The following NCKAP5 variants were observed in gnomAD, a reference collection of about 807,000 sequenced individuals.
The protein encoded by NCKAP5 is NCK associated protein 5.
NCKAP5 carries 92 observed loss-of-function variants against 167.0 expected under a neutral mutation model. The ratio of observed to expected loss-of-function variants is 0.55; its 90% CI spans 0.47 to 0.66. The LOEUF is 0.66. NCKAP5 is among the 30% of genes least tolerant of loss of function. The probability of loss-of-function intolerance (pLI) is 0.00; values close to 1 mark genes in which losing one functional copy is unlikely to be tolerated. For missense variants in NCKAP5, 2,378 were observed against 2,315.0 expected, an observed-to-expected ratio of 1.03 and a Z score of -0.56; for synonymous variants, 891 against 877.4, an observed-to-expected ratio of 1.02 and a Z score of -0.27.
At chr2:133,493,976 T>C (rs1681700461) in intron 3 of NCKAP5, among the ~76,000 whole-genome samples, 1 of 152,232 alleles carries the variant, frequency 6.6e-6, no homozygotes, top group South Asian at 2.1e-4. Flanking sequence ...AAGACTTTCT[T>C]GCTTGTCCAA....
At position 132,774,388 on chromosome 2, in the gene NCKAP5, A is replaced by T. The variant is rs1369477109; in HGVS notation, c.5050-494T>A. Among the ~76,000 whole-genome samples the T allele has an allele frequency of 2.6e-5, 4 of 152,312 alleles. No homozygotes were observed. The East Asian group carries it at 7.7e-4, about 29-fold the overall frequency. ...CTTTCCTGGAATGTAACTTAAGAAG[A>T]TAATTTTTTTTCATTCTTTCCATAA... On this transcript the variant is annotated intron_variant, in intron 15 of 19. Transcript: ENST00000409261.
chr2:133,647,364 GAAGGAAGAAAGA>G, the NCKAP5 span, among the ~76,000 whole-genome samples: 56 of 104,674 alleles, frequency 5.3e-4, 2 homozygotes, highest in African/African-American at 2.9e-3. Flanking sequence ...AGAAAGGAAG[GAAGGAAGAAAGA>G]AAGGAAGGAA....
At chr2:133,500,256 T>G (rs1426179891) in intron 3 of NCKAP5, among the ~76,000 whole-genome samples, 1 of 152,188 alleles carries the variant, frequency 6.6e-6, no homozygotes, top group African/African-American at 2.4e-5. Flanking sequence ...TGCTCCGCTC[T>G]CTAAAAAAGA....
chr2:133,464,874 C>A (rs1345765856), intron 3 of NCKAP5, among the ~76,000 whole-genome samples: 1 of 151,616 alleles, frequency 6.6e-6, no homozygotes, highest in Non-Finnish European at 1.5e-5. Flanking sequence ...TCATCACTTG[C>A]CAACGTGGCA....
At chr2:133,059,115 C>T (rs973103869) in intron 6 of NCKAP5, among the ~76,000 whole-genome samples, 2 of 149,146 alleles carry the variant, frequency 1.3e-5, no homozygotes, top group African/African-American at 4.9e-5. Context: ...CTGGCTAACA[C>T]GGTGAAACCC....
intron 4 of NCKAP5, among the ~76,000 whole-genome samples, chr2:133,292,278 T>C (rs1166654129): frequency 1.3e-5 from 2 of 151,984 alleles, no homozygotes; most frequent in African/African-American, 4.8e-5. Context: ...CATGGTAAAT[T>C]ACCCATTTCA....
chr2:132,890,564 G>T (rs1453859919), intron 8 of NCKAP5, among the ~76,000 whole-genome samples: 5 of 152,174 alleles, frequency 3.3e-5, no homozygotes, highest in African/African-American at 1.2e-4. Flanking sequence ...AGTCCCAGGG[G>T]AGTGGCTAAG....
At chr2:132,745,395 CAA>C (rs71398574) in intron 16 of NCKAP5, among the ~76,000 whole-genome samples, 1 of 144,680 alleles carries the variant, frequency 6.9e-6, no homozygotes. Flanking sequence ...TCATGACAGA[CAA>C]AAAAAAAACA....
intron 11 of NCKAP5, among the ~76,000 whole-genome samples, chr2:132,844,370 T>C (rs1265588796): frequency 6.6e-6 from 1 of 152,156 alleles, no homozygotes; most frequent in Non-Finnish European, 1.5e-5. Context: ...AACTCTTACT[T>C]GGCCACCCCT....
intron 5 of NCKAP5, among the ~76,000 whole-genome samples, chr2:133,197,563 T>A (rs2085491198): frequency 1.3e-5 from 2 of 151,478 alleles, no homozygotes; most frequent in African/African-American, 2.4e-5. Context: ...GAAGAAAAGA[T>A]CAACAGATAA....
intron 17 of NCKAP5, among the ~76,000 whole-genome samples, chr2:132,730,114 T>C (rs888382906): frequency 6.6e-6 from 1 of 152,184 alleles, no homozygotes; most frequent in African/African-American, 2.4e-5. Flanking sequence ...AAGTTCAGGA[T>C]GGGTGACAAA....
At chr2:133,417,503 A>G (rs767927754) in intron 3 of NCKAP5, among the ~76,000 whole-genome samples, 3 of 152,232 alleles carry the variant, frequency 2.0e-5, no homozygotes, top group Admixed American at 2.0e-4. Flanking sequence ...GAGCAGTGGC[A>G]GGTGTCCTTC....
chr2:133,663,086 G>A, the NCKAP5 span, among the ~76,000 whole-genome samples: 2,455 of 152,068 alleles, frequency 0.016, 69 homozygotes, highest in African/African-American at 0.056. Context: ...CTAACAAGGC[G>A]AAACCCCGTC....
At chr2:132,675,003 C>T (rs1043793219) in intron 19 of NCKAP5, among the ~76,000 whole-genome samples, 1 of 152,142 alleles carries the variant, frequency 6.6e-6, no homozygotes, top group Non-Finnish European at 1.5e-5. Flanking sequence ...CTACATTTAC[C>T]AAATGGATGT....
At chr2:132,779,573 C>A (rs1421928799) in intron 15 of NCKAP5, among the ~76,000 whole-genome samples, 1 of 149,252 alleles carries the variant, frequency 6.7e-6, no homozygotes, top group African/African-American at 2.5e-5. Context: ...ACCATGGAAG[C>A]CAAGAGCAGA....
chr2:132,715,555 T>A (rs1689287785), intron 19 of NCKAP5, among the ~76,000 whole-genome samples: 1 of 152,164 alleles, frequency 6.6e-6, no homozygotes, highest in Admixed American at 6.5e-5. Context: ...AACTTTCAAG[T>A]CTGTAAAGGA....
rs1553563125 is a variant in NCKAP5, at chr2:133,174,717, T to TTTC, written c.207+38998_207+38999insGAA. 2.9e-5 allele frequency among the ~76,000 whole-genome samples: 4 copies of TTTC among 138,060 alleles called. 1 individual carries two copies. Among genetic ancestry groups the TTTC allele is most frequent in the East Asian group, 4.1e-4 (2 of 4,912 alleles). The allele number at this position is 138,060 out of a possible 152,430, so 90.6% of individuals were successfully genotyped here. On this transcript the variant is annotated intron_variant, in intron 5 of 19. Transcript: ENST00000409261. ...CAAGTAACATCTTTTTTTTTTTTTC[T>TTTC]CCCCCCTGCTCCAGCTTTGGAATCA...
chr2:133,670,216 G>A, the NCKAP5 span, among the ~76,000 whole-genome samples: 1 of 152,176 alleles, frequency 6.6e-6, no homozygotes, highest in East Asian at 1.9e-4. Flanking sequence ...ATTTTGTGCA[G>A]AATAAATGGG....
chr2:133,094,524 A>G (rs2081286780), intron 6 of NCKAP5, among the ~76,000 whole-genome samples: 1 of 152,106 alleles, frequency 6.6e-6, no homozygotes, highest in African/African-American at 2.4e-5. Context: ...CTTTCCATGT[A>G]TACTTATGTG....
Sources: gnomAD v4.1 joint callset for allele counts (sites outside exome capture counted in the v4.1 genomes callset) on GRCh38, gnomAD v4.1.1 for gene constraint, MANE v1.5 for transcripts, NCBI Gene and HGNC (gene_info 2026-07-23, HGNC 2026-07-21) for gene names.